The following MACO1 variants were observed in gnomAD, a reference collection of about 807,000 sequenced individuals.
MACO1 encodes macoilin 1, also known as macoilin.
A neutral mutation model predicts 78.7 loss-of-function variants in MACO1; 14 were observed. The observed-to-expected ratio is 0.18, with a 90% CI of 0.12 to 0.28. MACO1 has a LOEUF of 0.28. MACO1 is among the 10% of genes least tolerant of loss of function. The pLI is 1.00. For missense variants in MACO1, 501 were observed against 799.0 expected (o/e 0.63, Z 4.50); for synonymous variants, 288 against 291.6 (o/e 0.99, Z 0.12).
intron 6 of MACO1, among the ~76,000 whole-genome samples, chr1:25,463,433 TAGAA>T (rs1557666890): frequency 2.0e-5 from 3 of 152,244 alleles, no homozygotes; most frequent in Non-Finnish European, 4.4e-5. Flanking sequence ...CTGTTGGTTT[TAGAA>T]ACATATACCT....
intron 6 of MACO1, among the ~76,000 whole-genome samples, chr1:25,465,874 C>T (rs144544930): frequency 2.2e-4 from 33 of 152,250 alleles, no homozygotes; most frequent in African/African-American, 7.7e-4. Context: ...TCAGGCTTTT[C>T]GCATCTGGCT....
At chr1:25,488,529 T>C (rs1322008275) in intron 8 of MACO1, among the ~76,000 whole-genome samples, 1 of 152,170 alleles carries the variant, frequency 6.6e-6, no homozygotes, top group Non-Finnish European at 1.5e-5. Context: ...AGTCTCACTT[T>C]GTCACCCAGG....
intron 1 of MACO1, among the ~76,000 whole-genome samples, chr1:25,444,156 G>C (rs2042995515): frequency 6.6e-6 from 1 of 151,960 alleles, no homozygotes; most frequent in Non-Finnish European, 1.5e-5. Flanking sequence ...CTACTTGGGA[G>C]GCCAAGGCAG....
At chr1:25,433,950 CAA>C (rs750211351) in intron 1 of MACO1, among the ~76,000 whole-genome samples, 7 of 152,180 alleles carry the variant, frequency 4.6e-5, no homozygotes, top group Non-Finnish European at 8.8e-5. Context: ...GTAGCCAAAA[CAA>C]AGGGTCAGTT....
intron 6 of MACO1, among the ~76,000 whole-genome samples, chr1:25,469,633 C>CTTTTT (rs1222159978): frequency 1.6e-5 from 2 of 127,450 alleles, no homozygotes; most frequent in Non-Finnish European, 1.6e-5. Flanking sequence ...TAACCTCTGA[C>CTTTTT]TTTTTTTTTT....
chr1:25,461,649 T>C (rs2043173560), intron 6 of MACO1, among the ~76,000 whole-genome samples: 1 of 152,172 alleles, frequency 6.6e-6, no homozygotes, highest in Non-Finnish European at 1.5e-5. Context: ...GGTCCATCCA[T>C]TTGATAAACT....
chr1:25,492,623 C>CT (rs1182713811), intron 10 of MACO1, among the ~76,000 whole-genome samples: 1 of 152,012 alleles, frequency 6.6e-6, no homozygotes, highest in South Asian at 2.1e-4. Flanking sequence ...CTGTATGGGA[C>CT]TTGAGGCCCA....
At chr1:25,458,306 A>G in intron 5 of MACO1, 85 bp from the exon 6 acceptor site, 1 of 1,494,354 alleles carries the variant, frequency 6.7e-7, no homozygotes, top group Non-Finnish European at 8.9e-7. Context: ...TGTAGATAAT[A>G]GTTTGTTGAA....
At chr1:25,471,256 TTGAACC>T (rs1236840094) in intron 6 of MACO1, among the ~76,000 whole-genome samples, 1 of 151,562 alleles carries the variant, frequency 6.6e-6, no homozygotes, top group Non-Finnish European at 1.5e-5. Context: ...TGCAACTCAC[TTGAACC>T]TGAGAGGCAG....
chr1:25,471,318 G>A (rs1238701728), intron 6 of MACO1, among the ~76,000 whole-genome samples: 4 of 147,296 alleles, frequency 2.7e-5, no homozygotes, highest in Non-Finnish European at 4.5e-5. Context: ...CAGCCTGGGC[G>A]ACAGAGCAAG....
At position 25,446,679 on chromosome 1, in the gene MACO1, G is replaced by T. The variant is rs946237831; in HGVS notation, c.81-83G>T. ...TGATATATGGAGGTATTTTTTTGTC[G>T]TTTTAAACAGAAACAGTGAATTTTC... On this transcript the variant is annotated intron_variant, in intron 1 of 10. Transcript: ENST00000374343. The T allele has an allele frequency of 9.4e-6, 13 of 1,379,540 alleles. No homozygotes were observed. The Admixed American group carries it at 1.0e-4, about 11-fold the overall frequency. 85.5% of individuals were successfully genotyped at this position (1,379,540 alleles called of 1,614,324 possible). A position where few individuals can be genotyped will look rare whatever the true frequency, so the allele number is the denominator to read the frequency against.
In MACO1 at chr1:25,487,505, C is replaced by T. The variant is rs72871927; in HGVS notation, c.1497-1668C>T. On this transcript the variant is annotated intron_variant, in intron 8 of 10. Coordinates refer to ENST00000374343, the MANE Select transcript of MACO1 (RefSeq NM_018202.6). ...GGCATAAATCTCTGACTGGACCTTC[C>T]GTTTTGGTAGGCAGAGAACACCTAC... Among the ~76,000 whole-genome samples, 775 of 152,286 alleles carry T rather than the reference C, an allele frequency of 5.1e-3. 5 individuals are homozygous for T. Among genetic ancestry groups the T allele is most frequent in the African/African-American group, 0.018 (728 of 41,570 alleles).
At chr1:25,490,644 A>C (rs1359511881) in intron 9 of MACO1, among the ~76,000 whole-genome samples, 1 of 152,226 alleles carries the variant, frequency 6.6e-6, no homozygotes, top group Non-Finnish European at 1.5e-5. Context: ...ATGCAAAAAA[A>C]TTGAAAACAG....
rs1480003093 is a variant in MACO1, at chr1:25,454,470, G to GTA, written c.473+106_473+107dup. 5.1e-4 allele frequency: 44 copies of GTA among 86,670 alleles called. 1 individual carries two copies. The highest frequency in any genetic ancestry group is 1.5e-3 in the East Asian group (4 of 2,604). The allele number at this position is 86,670 out of a possible 1,614,324, so 5.4% of individuals were successfully genotyped here. ...TGTGTGTGTGTGTGTGTGTGTGTGTGTATATATATATATATATATTTTTTT... is the reference window on the plus strand; with the variant it reads ...TGTGTGTGTGTGTGTGTGTGTGTGTGTATATATATATATATATATATTTTTTT... On this transcript the variant is annotated intron_variant, in intron 4 of 10. Coordinates refer to ENST00000374343, the MANE Select transcript of MACO1 (RefSeq NM_018202.6).
At position 25,485,975 on chromosome 1, in the gene MACO1, T is replaced by C. The variant is rs551535468; in HGVS notation, c.1496+180T>C. 1.1e-4 allele frequency among the ~76,000 whole-genome samples: 16 copies of C among 152,352 alleles called. No individual in the cohort carries two copies. In the South Asian group the frequency reaches 2.9e-3, roughly 28 times the overall value. On this transcript the variant is annotated intron_variant, in intron 8 of 10. Transcript: ENST00000374343. The surrounding 1 kb of genome is among the most constrained non-coding windows in gnomAD (Gnocchi z 4.3). ...ATGTGTGCAAGCTTGCACTATCTTATAACAGCTTTATCCCTCAGTGACCTC... is the reference window on the plus strand; with the variant it reads ...ATGTGTGCAAGCTTGCACTATCTTACAACAGCTTTATCCCTCAGTGACCTC...
chr1:25,433,140 T>C (rs896722601), intron 1 of MACO1, among the ~76,000 whole-genome samples: 2 of 152,254 alleles, frequency 1.3e-5, no homozygotes, highest in Non-Finnish European at 2.9e-5. Flanking sequence ...AAGTTAAATG[T>C]TAATAAAAGA....
rs1449570515 is a variant in MACO1, at chr1:25,455,822, CT to C, written c.474-830del. 2.0e-5 allele frequency among the ~76,000 whole-genome samples: 3 copies of C among 152,222 alleles called. No homozygotes were observed. The East Asian group carries it at 5.8e-4, about 29-fold the overall frequency. On this transcript the variant is annotated intron_variant, in intron 4 of 10. Transcript: ENST00000374343. ...CAAGGAATAGCTGGTGACAGTACCC[CT>C]CAGGCAGCAAGAAGATTAAATTAGT... is the stretch of plus-strand genomic sequence containing the variant.
intron 6 of MACO1, among the ~76,000 whole-genome samples, chr1:25,468,570 T>C (rs981216458): frequency 6.6e-6 from 1 of 152,206 alleles, no homozygotes; most frequent in Non-Finnish European, 1.5e-5. Context: ...CTGGGTAAAG[T>C]GTAATATATT....
Position 25,430,952 on chromosome 1 carries a change from A to C in MACO1, c.-147A>C, listed in dbSNP as rs1571941276. 1.5e-5 allele frequency: 5 copies of C among 343,676 alleles called. No individual in the cohort carries two copies. The highest frequency in any genetic ancestry group is 2.1e-5 in the Non-Finnish European group (4 of 189,544). The allele number at this position is 343,676 out of a possible 1,614,324, so 21.3% of individuals were successfully genotyped here. On this transcript the variant is annotated 5_prime_UTR_variant, in exon 1 of 11. Coordinates refer to ENST00000374343, the MANE Select transcript of MACO1 (RefSeq NM_018202.6). ...GCTCCGAGCCCCCCCTCCCCGTGCT[A>C]CCCCCTCCCCCCGGGTGCTGGCTCC...
Sources: gnomAD v4.1 joint callset for allele counts (sites outside exome capture counted in the v4.1 genomes callset) on GRCh38, gnomAD v4.1.1 for gene constraint, Gnocchi (gnomAD v3.1) non-coding constraint, MANE v1.5 for transcripts, NCBI Gene and HGNC (gene_info 2026-07-23, HGNC 2026-07-21) for gene names.